The following MAP2K5 variants were observed in gnomAD, a reference collection of about 807,000 sequenced individuals.
The protein encoded by MAP2K5 is mitogen-activated protein kinase kinase 5.
In MAP2K5, 49 loss-of-function variants were observed where a neutral mutation model predicts 83.1. The observed-to-expected ratio is 0.59, with a 90% CI of 0.47 to 0.75. The LOEUF is 0.75. Ranked by LOEUF, MAP2K5 falls within the 30% of genes least tolerant of loss-of-function variation. MAP2K5 has a pLI of 0.00. For missense variants in MAP2K5, 457 were observed against 557.5 expected (o/e 0.82, Z 1.82); for synonymous variants, 202 against 191.8 (o/e 1.05, Z -0.44).
intron 8 of MAP2K5, among the ~76,000 whole-genome samples, chr15:67,620,038 C>G (rs1484623956): frequency 6.6e-6 from 1 of 152,210 alleles, no homozygotes; most frequent in Admixed American, 6.5e-5. Flanking sequence ...ACACTGTACT[C>G]CAGCCTGAGT....
intron 19 of MAP2K5, among the ~76,000 whole-genome samples, chr15:67,767,822 G>C (rs887623813): frequency 6.6e-6 from 1 of 152,014 alleles, no homozygotes; most frequent in South Asian, 2.1e-4. Flanking sequence ...TTTTCATGTC[G>C]TCTCTGTGTA....
intron 2 of MAP2K5, among the ~76,000 whole-genome samples, chr15:67,554,929 G>A (rs1448530501): frequency 6.6e-6 from 1 of 152,150 alleles, no homozygotes; most frequent in Non-Finnish European, 1.5e-5. Context: ...GGTTGGTGGT[G>A]GACAGTTCAG....
chr15:67,613,782 A>G (rs2085988296), intron 8 of MAP2K5, among the ~76,000 whole-genome samples: 1 of 151,850 alleles, frequency 6.6e-6, no homozygotes, highest in Admixed American at 6.6e-5. Flanking sequence ...TGAGTTTTTA[A>G]TGGAAACGGG....
intron 9 of MAP2K5, among the ~76,000 whole-genome samples, chr15:67,643,136 T>C (rs528984010): frequency 6.6e-6 from 1 of 152,062 alleles, no homozygotes; most frequent in African/African-American, 2.4e-5. Context: ...GGTATTACGA[T>C]ATGAGGCCAG....
chr15:67,731,050 C>G (rs572501733), intron 17 of MAP2K5, among the ~76,000 whole-genome samples: 1 of 152,264 alleles, frequency 6.6e-6, no homozygotes, highest in Admixed American at 6.5e-5. Flanking sequence ...AAAGGGCCAC[C>G]CATCTGGATC....
At chr15:67,714,700 A>C (rs552816196) in intron 16 of MAP2K5, among the ~76,000 whole-genome samples, 5 of 152,098 alleles carry the variant, frequency 3.3e-5, no homozygotes, top group Non-Finnish European at 7.4e-5. Context: ...ATCTTACTAC[A>C]TGTTGAATAT....
chr15:67,749,340 A>G lies in MAP2K5; in HGVS notation c.1134+739A>G, dbSNP rs2089671388. Among the ~76,000 whole-genome samples, 1 of 152,180 alleles carries G rather than the reference A, an allele frequency of 6.6e-6. No individual in the cohort carries two copies. The highest frequency in any genetic ancestry group is 1.9e-4 in the East Asian group (1 of 5,204). On this transcript the variant is annotated intron_variant, in intron 19 of 21. Transcript: ENST00000178640. This position sits in a 1 kb window ranked among gnomAD's most constrained non-coding sequence, Gnocchi z 4.6. ...TACACAAGGCTTTCAAGAAACATTA[A>G]CATTTTCTTTAAAAACTGAGATTTT...
intron 3 of MAP2K5, among the ~76,000 whole-genome samples, chr15:67,564,855 C>A (rs1334100302): frequency 1.3e-5 from 2 of 152,204 alleles, no homozygotes; most frequent in African/African-American, 4.8e-5. Context: ...ATTATGTATT[C>A]AACTTAACCA....
At chr15:67,548,539 G>A (rs1279467455) in intron 1 of MAP2K5, among the ~76,000 whole-genome samples, 1 of 152,186 alleles carries the variant, frequency 6.6e-6, no homozygotes, top group African/African-American at 2.4e-5. Context: ...CATTTGTTAG[G>A]TACAGCTAAG....
chr15:67,772,528 T>A (rs926310698), intron 20 of MAP2K5, among the ~76,000 whole-genome samples, 179 bp from the exon 21 acceptor site: 7 of 152,218 alleles, frequency 4.6e-5, no homozygotes, highest in Admixed American at 6.5e-5. Context: ...CCCAGAAATC[T>A]GACTAAGTAA....
chr15:67,673,639 TAAAC>T lies in MAP2K5; in HGVS notation c.847+8998_847+9001del, dbSNP rs1380232160. Among the ~76,000 whole-genome samples the T allele has an allele frequency of 4.6e-5, 7 of 152,312 alleles. No homozygotes were observed. In the East Asian group the frequency reaches 5.8e-4, roughly 13 times the overall value. ...ATTATTTTCTGGATAAAGTGATTCTTAAACAAAAGAATTCTTGGAAAGTATTGCT... is the reference window on the plus strand; with the variant it reads ...ATTATTTTCTGGATAAAGTGATTCTTAAAAGAATTCTTGGAAAGTATTGCT... On this transcript the variant is annotated intron_variant, in intron 13 of 21. Transcript: ENST00000178640.
At chr15:67,575,854 C>T (rs2085045261) in intron 3 of MAP2K5, among the ~76,000 whole-genome samples, 1 of 151,178 alleles carries the variant, frequency 6.6e-6, no homozygotes, top group African/African-American at 2.4e-5. Flanking sequence ...TTCTCTCCCT[C>T]TATCTCTATC....
intron 16 of MAP2K5, among the ~76,000 whole-genome samples, chr15:67,726,562 T>C (rs1177191132): frequency 6.6e-6 from 1 of 152,218 alleles, no homozygotes; most frequent in African/African-American, 2.4e-5. Flanking sequence ...GTTTGAGCAG[T>C]GTCAGTGTCT....
chr15:67,718,296 C>CT (rs1403705815), intron 16 of MAP2K5: 1 of 152,322 alleles, frequency 6.6e-6, no homozygotes, highest in East Asian at 1.9e-4. Flanking sequence ...AGCTAGGTCT[C>CT]TAAGAGACCA....
rs2141160860 is a variant in MAP2K5 at position 67,668,339 on chromosome 15, A to G, written c.847+3694A>G. 6.6e-6 allele frequency among the ~76,000 whole-genome samples: 1 copy of G among 152,338 alleles called. No individual in the cohort carries two copies. Among genetic ancestry groups the G allele is most frequent in the South Asian group, 2.1e-4 (1 of 4,834 alleles). On this transcript the variant is annotated intron_variant, in intron 13 of 21. Coordinates refer to ENST00000178640, the MANE Select transcript of MAP2K5 (RefSeq NM_145160.3). This position sits in a 1 kb window ranked among gnomAD's most constrained non-coding sequence, Gnocchi z 4.0. ...CTCTAAAATAAACCAAACGTGTGATAATTCCACATGAGGACATAATCATTA... is the reference window on the plus strand; with the variant it reads ...CTCTAAAATAAACCAAACGTGTGATGATTCCACATGAGGACATAATCATTA...
chr15:67,695,161 A>C (rs2088218939), intron 15 of MAP2K5, among the ~76,000 whole-genome samples: 1 of 151,718 alleles, frequency 6.6e-6, no homozygotes, highest in Non-Finnish European at 1.5e-5. Flanking sequence ...CTAATGCTAG[A>C]TGACGAGTTA....
rs528722865 is a variant in MAP2K5, at chr15:67,722,678, T to G, written c.1045-5238T>G. On this transcript the variant is annotated intron_variant, in intron 16 of 21. Transcript: ENST00000178640. This position sits in a 1 kb window ranked among gnomAD's most constrained non-coding sequence, Gnocchi z 4.2. ...ATTGGTCTTGGGATGAAATCTCACC[T>G]AGGGAATTTTATGTAATCCAGTAGT... Among the ~76,000 whole-genome samples the G allele has an allele frequency of 2.0e-4, 30 of 152,322 alleles. No homozygotes were observed. Among genetic ancestry groups the G allele is most frequent in the Non-Finnish European group, 3.1e-4 (21 of 68,024 alleles).
At position 67,564,512 on chromosome 15, in the gene MAP2K5, T is replaced by C. The variant is rs529296137; in HGVS notation, c.252+1162T>C. On this transcript the variant is annotated intron_variant, in intron 3 of 21. Transcript: ENST00000178640. ...CTGTATGGGTTTCTGCCAATAGTTTTAATTTAGGGTAGGAGAATAGAGAAC... is the reference window on the plus strand; with the variant it reads ...CTGTATGGGTTTCTGCCAATAGTTTCAATTTAGGGTAGGAGAATAGAGAAC... 1.5e-4 allele frequency among the ~76,000 whole-genome samples: 23 copies of C among 152,300 alleles called. No homozygotes were observed. The South Asian group carries it at 4.6e-3, about 30-fold the overall frequency.
chr15:67,743,689 A>G (rs187363563), intron 17 of MAP2K5, among the ~76,000 whole-genome samples: 1 of 152,340 alleles, frequency 6.6e-6, no homozygotes, highest in African/African-American at 2.4e-5. Flanking sequence ...TTTGCAAGTT[A>G]TAATGGATTG....
Sources: allele counts gnomAD v4.1 joint callset (sites outside exome capture counted in the v4.1 genomes callset), GRCh38; gene constraint gnomAD v4.1.1; non-coding constraint Gnocchi (gnomAD v3.1); transcripts MANE v1.5; gene names NCBI Gene and HGNC (gene_info 2026-07-23, HGNC 2026-07-21).